Variants in WNT8A observed in about 807,000 individuals in gnomAD.
The protein encoded by WNT8A is protein Wnt-8a.
A neutral mutation model predicts 20.5 loss-of-function variants in WNT8A; 14 were observed. That is an observed-to-expected ratio of 0.68 (90% CI 0.45 to 1.07). The LOEUF is 1.07. Ranked by LOEUF, WNT8A falls within the 50% of genes least tolerant of loss-of-function variation. The pLI, the probability that WNT8A is intolerant of heterozygous loss-of-function variation, is 0.00. For synonymous variants in WNT8A, 167 were observed against 169.2 expected (o/e 0.99, Z 0.10); for missense variants, 397 against 462.9 (o/e 0.86, Z 1.31).
rs1315429062 is a variant in WNT8A at position 138,088,358 on chromosome 5, C to T, written c.421+427C>T. Among the ~76,000 whole-genome samples the T allele has an allele frequency of 3.6e-5, 5 of 137,958 alleles. No homozygotes were observed. In the East Asian group the frequency reaches 1.1e-3, roughly 30 times the overall value. The allele number at this position is 137,958 out of a possible 152,430, so 90.5% of individuals were successfully genotyped here. A position where few individuals can be genotyped will look rare whatever the true frequency, so the allele number is the denominator to read the frequency against. Reference sequence around the variant, plus strand: ...TCCAGAATGTTTGAGCTGCAGTGAACCTTTTTTTTTTTTTTTGAGATGGAG... The same window carrying T: ...TCCAGAATGTTTGAGCTGCAGTGAATCTTTTTTTTTTTTTTTGAGATGGAG... On this transcript the variant is annotated intron_variant, in intron 3 of 4. Coordinates refer to ENST00000506684, the MANE Select transcript of WNT8A (RefSeq NM_001300939.2).
intron 2 of WNT8A, among the ~76,000 whole-genome samples, chr5:138,087,437 G>A (rs1750701707): frequency 1.3e-5 from 2 of 151,992 alleles, no homozygotes; most frequent in African/African-American, 2.4e-5. Flanking sequence ...GGCAGATCAT[G>A]TGGTCAAGAG....
intron 3 of WNT8A, among the ~76,000 whole-genome samples, chr5:138,088,284 A>T (rs1474798428): frequency 6.6e-6 from 1 of 152,162 alleles, no homozygotes; most frequent in East Asian, 1.9e-4. Flanking sequence ...ATCACTAATG[A>T]AGGAGGTAGT....
rs765361311 is a variant in WNT8A, at chr5:138,087,728, C to T, written c.296-78C>T. On this transcript the variant is annotated intron_variant, in intron 2 of 4. Transcript: ENST00000506684. Reference sequence around the variant, plus strand: ...GGAAGTGGGGGATAAGGGAGATAAACAGTATTATTTTTCCAAAGCCTCTGC... The same window carrying T: ...GGAAGTGGGGGATAAGGGAGATAAATAGTATTATTTTTCCAAAGCCTCTGC... 3.8e-6 allele frequency: 5 copies of T among 1,301,882 alleles called. 1 individual carries two copies. The highest frequency in any genetic ancestry group is 5.1e-6 in the Non-Finnish European group (5 of 974,874). The allele number at this position is 1,301,882 out of a possible 1,614,324, so 80.6% of individuals were successfully genotyped here.
In WNT8A at chr5:138,084,584, G is replaced by GA; in HGVS notation, c.245dup (p.Asn82LysfsTer4). On this transcript the variant is annotated frameshift_variant, in exon 2 of 5. Transcript: ENST00000506684. LOFTEE classifies it high-confidence loss of function. ...AGTTCCAGTTTGCTTGGGAACGCTGGAACTGCCCTGAAAATGCTCTTCAGC... is the reference window on the plus strand; with the variant it reads ...AGTTCCAGTTTGCTTGGGAACGCTGGAAACTGCCCTGAAAATGCTCTTCAGC... 1 of 1,613,590 alleles carries GA rather than the reference G, an allele frequency of 6.2e-7. No individual in the cohort carries two copies. The highest frequency in any genetic ancestry group is 8.5e-7 in the Non-Finnish European group (1 of 1,179,766).
chr5:138,091,117 G>A lies in WNT8A; in HGVS notation c.*44G>A, dbSNP rs774947937. Reference sequence around the variant, plus strand: ...CACTTGATTAATTGCATCAGTGGAAGGGGACATAGCTTCTCTCTTAGAGAG... The same window carrying A: ...CACTTGATTAATTGCATCAGTGGAAAGGGACATAGCTTCTCTCTTAGAGAG... On this transcript the variant is annotated 3_prime_UTR_variant, in exon 5 of 5. Transcript: ENST00000506684. The A allele has an allele frequency of 1.9e-6, 3 of 1,582,410 alleles. No individual in the cohort carries two copies. Among genetic ancestry groups the A allele is most frequent in the Non-Finnish European group, 2.6e-6 (3 of 1,166,078 alleles).
At chr5:138,079,355 TATTA>T (rs1750447808), upstream of WNT8A, among the ~76,000 whole-genome samples, 3 of 145,912 alleles carry the variant, frequency 2.1e-5, no homozygotes, top group Non-Finnish European at 4.5e-5. Flanking sequence ...AATAATTATA[TATTA>T]ATTATAATTA....
At chr5:138,090,101 C>T (rs1303368481) in intron 4 of WNT8A, among the ~76,000 whole-genome samples, 1 of 152,206 alleles carries the variant, frequency 6.6e-6, no homozygotes, top group Non-Finnish European at 1.5e-5. Flanking sequence ...CTCTCATGCC[C>T]AGCCTCAAGA....
upstream of WNT8A, chr5:138,083,836 T>C: frequency 2.4e-6 from 1 of 423,790 alleles, no homozygotes; most frequent in Non-Finnish European, 4.2e-6. Flanking sequence ...CTTCTCATTC[T>C]GGGAGGGAAG....
chr5:138,083,691 G>T (rs967638797), upstream of WNT8A, among the ~76,000 whole-genome samples: 11 of 152,298 alleles, frequency 7.2e-5, no homozygotes, highest in Admixed American at 2.6e-4. Context: ...TCCAAGAATA[G>T]GTGACCTGCC....
At chr5:138,080,602 C>T (rs1285226270), upstream of WNT8A, among the ~76,000 whole-genome samples, 1 of 151,576 alleles carries the variant, frequency 6.6e-6, no homozygotes, top group Admixed American at 6.6e-5. Flanking sequence ...AGGAGTGAGC[C>T]CTGGACTTTT....
At chr5:138,083,414 G>T (rs1238144452), upstream of WNT8A, among the ~76,000 whole-genome samples, 5 of 152,126 alleles carry the variant, frequency 3.3e-5, no homozygotes, top group Non-Finnish European at 7.4e-5. Flanking sequence ...GGATAGATTT[G>T]CTAGGAATTA....
the WNT8A span, among the ~76,000 whole-genome samples, chr5:138,077,742 G>T: frequency 1.3e-5 from 2 of 152,150 alleles, no homozygotes; most frequent in Non-Finnish European, 2.9e-5. Flanking sequence ...ACTCTTCCTA[G>T]GCTAATGGTG....
chr5:138,079,873 C>G (rs1478352452), upstream of WNT8A, among the ~76,000 whole-genome samples: 1 of 152,160 alleles, frequency 6.6e-6, no homozygotes, highest in Non-Finnish European at 1.5e-5. Flanking sequence ...ACTATTCTCT[C>G]CAGGAAACCT....
upstream of WNT8A, among the ~76,000 whole-genome samples, chr5:138,080,461 T>TTTTTTTTTTTTTTTTTTC (rs1750482744): frequency 7.9e-6 from 1 of 126,968 alleles, no homozygotes; most frequent in Non-Finnish European, 1.7e-5. Context: ...TTTTTTTTTT[T>TTTTTTTTTTTTTTTTTTC]TTTTTTTGGC....
At position 138,091,035 on chromosome 5, in the gene WNT8A, C is replaced by T; in HGVS notation, c.1072C>T (p.Pro358Ser). The T allele has an allele frequency of 6.2e-7, 1 of 1,613,478 alleles. No individual in the cohort carries two copies. Residue 358 changes from proline to serine, a missense_variant, in exon 5 of 5, where the codon CCA (proline) becomes TCA (serine). Physicochemically the swap from Pro to Ser is moderately conservative, Grantham distance 74. Transcript: ENST00000506684. Reference protein sequence around the residue: ...VVSKYYCARSPGSAQSLGKGS... With the variant: ...VVSKYYCARSSGSAQSLGKGS... Reference sequence around the variant, plus strand: ...GAGCAAGTATTACTGCGCACGCTCCCCAGGCAGTGCCCAGTCCCTGGGTAA... The same window carrying T: ...GAGCAAGTATTACTGCGCACGCTCCTCAGGCAGTGCCCAGTCCCTGGGTAA...
chr5:138,088,036 C>A, intron 3 of WNT8A, 105 bp downstream of exon 3: 1 of 1,491,502 alleles, frequency 6.7e-7, no homozygotes, highest in Non-Finnish European at 9.0e-7. Flanking sequence ...CTCCCTTAAA[C>A]CTCAAGACTC....
Position 138,084,538 on chromosome 5 carries a change from A to T in WNT8A, c.197A>T (p.Gln66Leu). The T allele has an allele frequency of 6.2e-7, 1 of 1,613,552 alleles. No individual in the cohort carries two copies. The highest frequency in any genetic ancestry group is 8.5e-7 in the Non-Finnish European group (1 of 1,179,752). ...TYTTSVALGA[Q>L]SGIEECKFQF... is the part of the protein sequence containing the mutation. The stretch of plus-strand genomic sequence containing the variant: ...ACGACTAGTGTGGCCTTGGGTGCCC[A>T]GAGTGGCATCGAGGAGTGCAAGTTC... Residue 66 changes from glutamine to leucine, a missense_variant, in exon 2 of 5, where the codon CAG (glutamine) becomes CTG (leucine). Coordinates refer to ENST00000506684, the MANE Select transcript of WNT8A (RefSeq NM_001300939.2).
At position 138,090,608 on chromosome 5, in the gene WNT8A, G is replaced by A. The variant is rs763779473; in HGVS notation, c.645G>A (p.Gln215=). Residue 215 remains glutamine (Q), a synonymous_variant, in exon 5 of 5, where the codon CAG becomes CAA. Transcript: ENST00000506684. Reference sequence around the variant, plus strand: ...GCAGCATACAGACATGCTGGCTGCAGCTGGCTGAATTCCGGGAGATGGGAG... The same window carrying A: ...GCAGCATACAGACATGCTGGCTGCAACTGGCTGAATTCCGGGAGATGGGAG... ...GSCSIQTCWL[Q]LAEFREMGDY... 24 of 1,614,118 alleles carry A rather than the reference G, an allele frequency of 1.5e-5. No homozygotes were observed. In the African/African-American group the frequency reaches 2.8e-4, roughly 19 times the overall value.
rs1005527264 is a variant in WNT8A at position 138,091,004 on chromosome 5, T to A, written c.1041T>A (p.His347Gln). 41 of 1,614,026 alleles carry A rather than the reference T, an allele frequency of 2.5e-5. No individual in the cohort carries two copies. The highest frequency in any genetic ancestry group is 3.3e-5 in the Non-Finnish European group (39 of 1,180,020). Residue 347 changes from histidine to glutamine, a missense_variant, in exon 5 of 5, where the codon CAT becomes CAA. Coordinates refer to ENST00000506684, the MANE Select transcript of WNT8A (RefSeq NM_001300939.2). ...CCTVKCDQCRHVVSKYYCARS... is the reference protein window; with the variant it reads ...CCTVKCDQCRQVVSKYYCARS... ...CGGTCAAGTGTGACCAGTGTAGGCA[T>A]GTGGTGAGCAAGTATTACTGCGCAC...
Sources: allele counts gnomAD v4.1 joint callset (sites outside exome capture counted in the v4.1 genomes callset), GRCh38; gene constraint gnomAD v4.1.1; transcripts MANE v1.5; gene names NCBI Gene and HGNC (gene_info 2026-07-23, HGNC 2026-07-21).